Variants in CHN2 observed in about 807,000 individuals in gnomAD.
The protein encoded by CHN2 is beta-chimaerin.
CHN2 carries 35 observed loss-of-function variants against 56.3 expected under a neutral mutation model. The observed-to-expected ratio is 0.62, with a 90% CI of 0.47 to 0.82. The LOEUF is 0.82. Among genes scored for constraint, CHN2 ranks in the 40% least tolerant of loss-of-function variants. The pLI, the probability that CHN2 is intolerant of heterozygous loss-of-function variation, is 0.00. For missense variants in CHN2, 491 were observed against 580.5 expected (o/e 0.85, Z 1.58); for synonymous variants, 210 against 212.8 (o/e 0.99, Z 0.12).
intron 1 of CHN2, among the ~76,000 whole-genome samples, chr7:29,251,343 A>C (rs1788503213): frequency 6.6e-6 from 1 of 152,108 alleles, no homozygotes; most frequent in Admixed American, 6.6e-5. Context: ...TGTCCCACCT[A>C]CTTAGGAGGC....
At chr7:29,326,243 C>A (rs537840950) in intron 1 of CHN2, among the ~76,000 whole-genome samples, 1 of 152,262 alleles carries the variant, frequency 6.6e-6, no homozygotes, top group South Asian at 2.1e-4. Flanking sequence ...CAGCAACCTC[C>A]GCTTCCTGGG....
At position 29,500,046 on chromosome 7, in the gene CHN2, G is replaced by C; in HGVS notation, c.913+6G>C. On this transcript the variant is annotated splice_donor_region_variant and intron_variant, in intron 9 of 12. Transcript: ENST00000222792. Reference sequence around the variant, plus strand: ...TCGGGAAATTGAAGCAAGAGGTTTGGAAAATACTTCCTATTATAGTAGTAT... The same window carrying C: ...TCGGGAAATTGAAGCAAGAGGTTTGCAAAATACTTCCTATTATAGTAGTAT... The C allele has an allele frequency of 6.6e-7, 1 of 1,526,396 alleles. No individual in the cohort carries two copies. The highest frequency in any genetic ancestry group is 8.8e-7 in the Non-Finnish European group (1 of 1,135,322). 94.6% of individuals were successfully genotyped at this position (1,526,396 alleles called of 1,614,324 possible). A position where few individuals can be genotyped will look rare whatever the true frequency, so the allele number is the denominator to read the frequency against.
At chr7:29,166,797 A>C (rs1227271149) in intron 2 of CHN2, among the ~76,000 whole-genome samples, 1 of 152,032 alleles carries the variant, frequency 6.6e-6, no homozygotes, top group Non-Finnish European at 1.5e-5. Context: ...TGATCTCAAA[A>C]AACCAGTTTT....
intron 1 of CHN2, among the ~76,000 whole-genome samples, chr7:29,246,388 AGTCT>A (rs747091155): frequency 5.3e-5 from 8 of 152,176 alleles, no homozygotes; most frequent in Non-Finnish European, 1.2e-4. Flanking sequence ...AAACCAGAAT[AGTCT>A]TCTGGAAGAC....
chr7:29,380,474 C>G (rs1359539251), intron 3 of CHN2, among the ~76,000 whole-genome samples: 1 of 152,168 alleles, frequency 6.6e-6, no homozygotes, highest in African/African-American at 2.4e-5. Context: ...CTACCATCTC[C>G]CAGATTCTGT....
At chr7:29,210,638 TATTA>T (rs1784844667) in intron 1 of CHN2, among the ~76,000 whole-genome samples, 1 of 151,332 alleles carries the variant, frequency 6.6e-6, no homozygotes, top group Admixed American at 6.6e-5. Context: ...TATATCTAAT[TATTA>T]ATTTATATGG....
intron 2 of CHN2, among the ~76,000 whole-genome samples, chr7:29,163,546 T>G (rs1344726125): frequency 1.3e-5 from 2 of 151,158 alleles, no homozygotes; most frequent in Non-Finnish European, 3.0e-5. Flanking sequence ...ACAATATCCA[T>G]TTTTTTTTAC....
chr7:29,238,406 T>C (rs1003299936), intron 1 of CHN2, among the ~76,000 whole-genome samples: 5 of 152,230 alleles, frequency 3.3e-5, no homozygotes. Flanking sequence ...TTAAATACTT[T>C]TGCATGGGGA....
chr7:29,295,314 AAC>A (rs58693628), intron 1 of CHN2, among the ~76,000 whole-genome samples: 14,723 of 144,802 alleles, frequency 0.1, 780 homozygotes, highest in South Asian at 0.15. Flanking sequence ...TTTAGCTGTG[AAC>A]ACACACACAC....
At chr7:29,264,235 G>T (rs910165132) in intron 1 of CHN2, among the ~76,000 whole-genome samples, 16 of 151,672 alleles carry the variant, frequency 1.1e-4, no homozygotes, top group Non-Finnish European at 2.1e-4. Flanking sequence ...TCTGGGAGGT[G>T]GGGGGCCCCT....
At chr7:29,147,921 A>G (rs1034592349) in intron 2 of CHN2, among the ~76,000 whole-genome samples, 1 of 152,244 alleles carries the variant, frequency 6.6e-6, no homozygotes, top group East Asian at 1.9e-4. Flanking sequence ...GATGATCTGC[A>G]CTTAAATATG....
intron 2 of CHN2, among the ~76,000 whole-genome samples, chr7:29,183,709 C>T (rs1483760487): frequency 3.3e-5 from 5 of 151,884 alleles, no homozygotes; most frequent in Admixed American, 6.6e-5. Context: ...TGGTGGCATT[C>T]TCTAGAGAAA....
intron 2 of CHN2, among the ~76,000 whole-genome samples, chr7:29,165,128 TAA>T (rs1795737215): frequency 6.6e-6 from 1 of 152,200 alleles, no homozygotes; most frequent in African/African-American, 2.4e-5. Flanking sequence ...GCATTTAATC[TAA>T]AGATCAATGT....
chr7:29,495,296 G>A (rs557060133), intron 7 of CHN2, among the ~76,000 whole-genome samples: 80 of 152,254 alleles, frequency 5.3e-4, no homozygotes, highest in Non-Finnish European at 9.3e-4. Context: ...CTGGCTGGGA[G>A]CATCAATCAA....
rs535682510 is a variant in CHN2 at position 29,397,772 on chromosome 7, G to T, written c.177-601G>T. The T allele has an allele frequency of 2.0e-5, 3 of 152,440 alleles. No homozygotes were observed. In the East Asian group the frequency reaches 5.8e-4, roughly 29 times the overall value. 9.4% of individuals were successfully genotyped at this position (152,440 alleles called of 1,614,324 possible). On this transcript the variant is annotated intron_variant, in intron 4 of 12. Coordinates refer to ENST00000222792, the MANE Select transcript of CHN2 (RefSeq NM_004067.4). ...ACATTTTCCACATGCATGTGTATGG[G>T]TTTTAAAATGGTAGAGAAGATAAAT...
intron 5 of CHN2, chr7:29,400,297 G>A (rs1388849929): frequency 1.1e-5 from 6 of 545,974 alleles, no homozygotes; most frequent in Admixed American, 3.3e-5. Flanking sequence ...CCTCGTTCCA[G>A]TCATATAAAC....
chr7:29,283,082 G>A (rs752978424), intron 1 of CHN2, among the ~76,000 whole-genome samples: 37 of 152,260 alleles, frequency 2.4e-4, no homozygotes, highest in Admixed American at 4.6e-4. Flanking sequence ...TGACCCCCTC[G>A]TGCTGCTTCT....
chr7:29,503,709 G>C (rs1408151272), intron 9 of CHN2, among the ~76,000 whole-genome samples: 1 of 152,216 alleles, frequency 6.6e-6, no homozygotes, highest in Admixed American at 6.5e-5. Flanking sequence ...ATATATGGCA[G>C]ATAATACATA....
intron 1 of CHN2, among the ~76,000 whole-genome samples, chr7:29,267,252 A>G (rs7777485): frequency 1.5e-5 from 2 of 129,408 alleles, no homozygotes; most frequent in South Asian, 2.3e-4. Flanking sequence ...TTTTTTTTTT[A>G]ATTTTTTTGA....
Sources: allele counts gnomAD v4.1 joint callset (sites outside exome capture counted in the v4.1 genomes callset), GRCh38; gene constraint gnomAD v4.1.1; transcripts MANE v1.5; gene names NCBI Gene and HGNC (gene_info 2026-07-23, HGNC 2026-07-21).